AQP12B: variants seen among roughly 807,000 people sequenced by gnomAD.
AQP12B encodes aquaporin 12B, also known as putative aquaporin-12B.
AQP12B carries 8 observed loss-of-function variants against 11.5 expected under a neutral mutation model. The ratio of observed to expected loss-of-function variants is 0.70; its 90% CI spans 0.41 to 1.26. The LOEUF is 1.26. AQP12B is among the 50% of genes most tolerant of loss of function. The pLI is 0.01. For missense variants in AQP12B, 247 were observed against 322.0 expected, an observed-to-expected ratio of 0.77 and a Z score of 1.78; for synonymous variants, 123 against 158.0, an observed-to-expected ratio of 0.78 and a Z score of 1.66.
At chr2:240,679,533 T>TC in intron 2 of AQP12B, 2 of 197,812 alleles carry the variant, frequency 1.0e-5, no homozygotes, top group Non-Finnish European at 1.8e-5. Flanking sequence ...CTCCTGTCTT[T>TC]CCCCCCAAGG....
At chr2:240,683,151 G>A (rs1317991533), upstream of AQP12B, among the ~76,000 whole-genome samples, 6 of 150,802 alleles carry the variant, frequency 4.0e-5, no homozygotes, top group East Asian at 2.0e-4. Context: ...TCCGAGCTCC[G>A]CTCCTCCTAC....
At chr2:240,681,400 T>A (rs2043909007) in intron 1 of AQP12B, among the ~76,000 whole-genome samples, 1 of 56,306 alleles carries the variant, frequency 1.8e-5, no homozygotes, top group Non-Finnish European at 3.7e-5. Flanking sequence ...TGGTGGCACC[T>A]TCCTGTGGCC....
chr2:240,683,074 C>T (rs1010636868), upstream of AQP12B, among the ~76,000 whole-genome samples: 10 of 151,372 alleles, frequency 6.6e-5, no homozygotes, highest in Non-Finnish European at 1.0e-4. Context: ...GTGACACACC[C>T]GGATCCACTG....
chr2:240,682,687 A>G lies in AQP12B; in HGVS notation c.151T>C (p.Phe51Leu). ...TCGACCAGCGTCCTCATCTCCAGGA[A>G]GCAGGCCCCGAGCTGCACCGCGCCC... ...AVGAVQLGAC[F>L]LEMRTLVELG... Residue 51 changes from phenylalanine to leucine, a missense_variant, in exon 1 of 3, where the codon TTC becomes CTC. Physicochemically the swap from Phe to Leu is conservative, Grantham distance 22. Around this residue, in one of 4 missense-constraint regions of AQP12B, gnomAD observed 206 missense variants for 173.2 expected, o/e 1.19. Transcript: ENST00000407834. 6.2e-7 allele frequency: 1 copy of G among 1,613,566 alleles called. No individual in the cohort carries two copies. The highest frequency in any genetic ancestry group is 1.1e-5 in the South Asian group (1 of 91,014).
upstream of AQP12B, chr2:240,682,919 G>C: frequency 6.5e-7 from 1 of 1,549,316 alleles, no homozygotes; most frequent in Non-Finnish European, 8.8e-7. Flanking sequence ...ACAACCCAGA[G>C]GGCCCAGGCG....
rs1318559681 is a variant in AQP12B, at chr2:240,682,695, C to G, written c.143G>C (p.Gly48Ala). Residue 48 changes from glycine to alanine, a missense_variant, in exon 1 of 3, where the codon GGG (glycine) becomes GCG (alanine). Gly to Ala is a moderately conservative substitution (Grantham distance 60). This residue lies in a region of AQP12B where 206 missense variants were observed against 173.2 expected (regional missense o/e 1.19). Coordinates refer to ENST00000407834, the MANE Select transcript of AQP12B (RefSeq NM_001102467.2). ...AREAVGAVQLGACFLEMRTLV... is the reference protein window; with the variant it reads ...AREAVGAVQLAACFLEMRTLV... ...CGTCCTCATCTCCAGGAAGCAGGCC[C>G]CGAGCTGCACCGCGCCCACCGCCTC... is the stretch of plus-strand genomic sequence containing the variant. 6.2e-7 allele frequency: 1 copy of G among 1,613,522 alleles called. No homozygotes were observed. Among genetic ancestry groups the G allele is most frequent in the East Asian group, 2.2e-5 (1 of 44,858 alleles).
At position 240,682,555 on chromosome 2, in the gene AQP12B, T is replaced by A. The variant is rs745862809; in HGVS notation, c.283A>T (p.Thr95Ser). 49 of 1,613,092 alleles carry A rather than the reference T, an allele frequency of 3.0e-5. No individual in the cohort carries two copies. In the East Asian group the frequency reaches 4.9e-4, roughly 16 times the overall value. Residue 95 changes from threonine (T) to serine (S), a missense_variant, in exon 1 of 3, where the codon ACC becomes TCC. Coordinates refer to ENST00000407834, the MANE Select transcript of AQP12B (RefSeq NM_001102467.2). ...VTLDGASANP[T>S]VSLQEFLMAE... is the part of the protein sequence containing the mutation. ...ATGAGGAACTCCTGCAGGGACACGGTGGGGTTGGCCGAGGCCCCGTCCAAG... is the reference window on the plus strand; with the variant it reads ...ATGAGGAACTCCTGCAGGGACACGGAGGGGTTGGCCGAGGCCCCGTCCAAG...
upstream of AQP12B, among the ~76,000 whole-genome samples, chr2:240,683,613 C>T (rs1238877219): frequency 4.6e-5 from 7 of 150,888 alleles, 1 homozygote; most frequent in Non-Finnish European, 8.9e-5. Context: ...TGTGTCCCCA[C>T]CTCAGCAGGG....
chr2:240,682,651 A>C lies in AQP12B; in HGVS notation c.187T>G (p.Trp63Gly). 6.2e-7 allele frequency: 1 copy of C among 1,613,482 alleles called. No individual in the cohort carries two copies. The highest frequency in any genetic ancestry group is 8.5e-7 in the Non-Finnish European group (1 of 1,179,834). ...EMRTLVELGP[W>G]AGDFGPDLLL... is the part of the protein sequence containing the mutation. ...AGGTCAGGCCCAAAGTCCCCAGCCC[A>C]GGGCCCGAGCTCGACCAGCGTCCTC... Residue 63 changes from tryptophan to glycine, a missense_variant, in exon 1 of 3, where the codon TGG becomes GGG. Around this residue, in one of 4 missense-constraint regions of AQP12B, gnomAD observed 206 missense variants for 173.2 expected, o/e 1.19. Coordinates refer to ENST00000407834, the MANE Select transcript of AQP12B (RefSeq NM_001102467.2).
At chr2:240,682,901 C>G, upstream of AQP12B, 4 of 1,448,282 alleles carry the variant, frequency 2.8e-6, 1 homozygote, top group Admixed American at 7.6e-5. Flanking sequence ...AGGAGCTGGC[C>G]GGTTCCCACA....
At chr2:240,680,909 G>A in intron 1 of AQP12B, among the ~76,000 whole-genome samples, 1 of 84,588 alleles carries the variant, frequency 1.2e-5, no homozygotes, top group Non-Finnish European at 2.1e-5. Flanking sequence ...CAGAGAGAGA[G>A]AGGAGAGACA....
chr2:240,682,241 C>T lies in AQP12B; in HGVS notation c.597G>A (p.Thr199=), dbSNP rs1380293866. The T allele has an allele frequency of 2.9e-5, 37 of 1,278,420 alleles. No individual in the cohort carries two copies. Among genetic ancestry groups the T allele is most frequent in the Admixed American group, 4.0e-5 (2 of 49,738 alleles). 79.2% of individuals were successfully genotyped at this position (1,278,420 alleles called of 1,614,324 possible). ...GPAVALLVTV[T]AYTAGPFTSA... ...GGAAGCAGTGCTCACCCGTGTAGGC[C>T]GTGACGGTGACCAACAGAGCCACAG... Residue 199 remains threonine (T), a synonymous_variant, in exon 1 of 3, where the codon ACG becomes ACA. Transcript: ENST00000407834.
chr2:240,683,310 C>G (rs1001594777), upstream of AQP12B, among the ~76,000 whole-genome samples: 5 of 149,562 alleles, frequency 3.3e-5, no homozygotes, highest in African/African-American at 9.8e-5. Flanking sequence ...GTGTCCCCAT[C>G]TCAGTGAGGG....
rs745524394 is a variant in AQP12B at position 240,682,769 on chromosome 2, C to T, written c.69G>A (p.Arg23=). 1.9e-6 allele frequency: 3 copies of T among 1,610,570 alleles called. No individual in the cohort carries two copies. The African/African-American group carries it at 4.0e-5, about 22-fold the overall frequency. The change falls in exon 1 of 3, where the codon CGG becomes CGA. Residue 23 remains arginine (R), a synonymous_variant. Transcript: ENST00000407834. ...ATFTLCEAAR[R]ASKALLPVGA... ...CCACTGGGAGCAGGGCCTTGGAGGC[C>T]CGCCTGGCTGCCTCACAGAGGGTGA...
In AQP12B at chr2:240,682,324, A is replaced by G; in HGVS notation, c.514T>C (p.Cys172Arg). 1 of 1,521,590 alleles carries G rather than the reference A, an allele frequency of 6.6e-7. No individual in the cohort carries two copies. The highest frequency in any genetic ancestry group is 8.9e-7 in the Non-Finnish European group (1 of 1,125,194). 94.3% of individuals were successfully genotyped at this position (1,521,590 alleles called of 1,614,324 possible). ...AGGTGCAGGAGGGTCAGATGGAAAC[A>G]AAAGGCGCAGGCGGCCTCCACAAGC... is the stretch of plus-strand genomic sequence containing the variant. ...GALVEAACAF[C>R]FHLTLLHLRH... Residue 172 changes from cysteine to arginine, a missense_variant, in exon 1 of 3, where the codon TGT becomes CGT. Cys to Arg is a radical substitution (Grantham distance 180). Around this residue, in one of 4 missense-constraint regions of AQP12B, gnomAD observed 15 missense variants for 57.9 expected, o/e 0.26. Transcript: ENST00000407834.
At position 240,682,694 on chromosome 2, in the gene AQP12B, C is replaced by A. The variant is rs370144346; in HGVS notation, c.144G>T (p.Gly48=). ...GCGTCCTCATCTCCAGGAAGCAGGC[C>A]CCGAGCTGCACCGCGCCCACCGCCT... ...AREAVGAVQL[G]ACFLEMRTLV... is the part of the protein sequence containing the mutation. Residue 48 remains glycine (G), a synonymous_variant, in exon 1 of 3, where the codon GGG becomes GGT. Transcript: ENST00000407834. 5.5e-5 allele frequency: 88 copies of A among 1,613,550 alleles called. No homozygotes were observed. In the African/African-American group the frequency reaches 9.2e-4, roughly 17 times the overall value.
Position 240,682,670 on chromosome 2 carries a change from C to T in AQP12B, c.168G>A (p.Thr56=), listed in dbSNP as rs201173715. The T allele has an allele frequency of 5.1e-5, 83 of 1,613,440 alleles. No homozygotes were observed. The highest frequency in any genetic ancestry group is 6.6e-5 in the Non-Finnish European group (78 of 1,179,848). The change falls in exon 1 of 3, where the codon ACG becomes ACA. Residue 56 remains threonine, a synonymous_variant. Coordinates refer to ENST00000407834, the MANE Select transcript of AQP12B (RefSeq NM_001102467.2). The stretch of plus-strand genomic sequence containing the variant: ...CAGCCCAGGGCCCGAGCTCGACCAG[C>T]GTCCTCATCTCCAGGAAGCAGGCCC... ...QLGACFLEMR[T]LVELGPWAGD...
chr2:240,681,387 C>T lies in AQP12B; in HGVS notation c.607+844G>A, dbSNP rs534063910. Among the ~76,000 whole-genome samples the T allele has an allele frequency of 9.8e-5, 5 of 51,120 alleles. 2 individuals are homozygous for T. The highest frequency in any genetic ancestry group is 8.4e-4 in the South Asian group (2 of 2,388). 33.5% of individuals were successfully genotyped at this position (51,120 alleles called of 152,430 possible). A position where few individuals can be genotyped will look rare whatever the true frequency, so the allele number is the denominator to read the frequency against. ...CCTCAGTTTCCCCAACTGTACGGGG[C>T]TCTGGTGGCACCTTCCTGTGGCCTT... On this transcript the variant is annotated intron_variant, in intron 1 of 2. Transcript: ENST00000407834.
Position 240,682,687 on chromosome 2 carries a change from A to T in AQP12B, c.151T>A (p.Phe51Ile), listed in dbSNP as rs1350839061. ...AVGAVQLGAC[F>I]LEMRTLVELG... ...TCGACCAGCGTCCTCATCTCCAGGA[A>T]GCAGGCCCCGAGCTGCACCGCGCCC... The change falls in exon 1 of 3, where the codon TTC becomes ATC. Residue 51 changes from phenylalanine (F) to isoleucine (I), a missense_variant. Around this residue, in one of 4 missense-constraint regions of AQP12B, gnomAD observed 206 missense variants for 173.2 expected, o/e 1.19. Transcript: ENST00000407834. 1.2e-6 allele frequency: 2 copies of T among 1,613,566 alleles called. No homozygotes were observed. Among genetic ancestry groups the T allele is most frequent in the East Asian group, 2.2e-5 (1 of 44,860 alleles).
Sources: allele counts gnomAD v4.1 joint callset (sites outside exome capture counted in the v4.1 genomes callset), GRCh38; gene constraint gnomAD v4.1.1; regional missense constraint gnomAD v4.1.1; transcripts MANE v1.5; gene names NCBI Gene and HGNC (gene_info 2026-07-23, HGNC 2026-07-21).